Variants in MYO1E observed in about 807,000 individuals in gnomAD.
The protein encoded by MYO1E is myosin IE, also known as unconventional myosin-Ie.
Under a neutral mutation model 151.1 loss-of-function variants are expected in MYO1E, and 68 were observed. The observed-to-expected ratio is 0.45, with a 90% CI of 0.37 to 0.55. The LOEUF is 0.55. Ranked by LOEUF, MYO1E falls within the 20% of genes least tolerant of loss-of-function variation. The probability of loss-of-function intolerance (pLI) is 0.00; values close to 1 mark genes in which losing one functional copy is unlikely to be tolerated. For missense variants in MYO1E, 1,363 were observed against 1,389.3 expected (o/e 0.98, Z 0.30); for synonymous variants, 601 against 501.7 (o/e 1.20, Z -2.64).
intron 15 of MYO1E, among the ~76,000 whole-genome samples, chr15:59,202,610 T>C (rs2079809038): frequency 6.6e-6 from 1 of 152,208 alleles, no homozygotes; most frequent in Non-Finnish European, 1.5e-5. Context: ...GAAAGAATTC[T>C]AAGATATAAG....
intron 1 of MYO1E, among the ~76,000 whole-genome samples, chr15:59,334,493 T>C (rs1263897678): frequency 4.3e-5 from 6 of 139,874 alleles, no homozygotes; most frequent in Non-Finnish European, 9.4e-5. Context: ...AAAAAAAAAA[T>C]GACCATTTTA....
At chr15:59,178,084 C>T (rs2079635900) in intron 19 of MYO1E, among the ~76,000 whole-genome samples, 1 of 152,214 alleles carries the variant, frequency 6.6e-6, no homozygotes, top group Admixed American at 6.5e-5. Flanking sequence ...AACAAAGAGT[C>T]CCTGCCCTCC....
At chr15:59,187,981 C>T (rs2079708745) in intron 18 of MYO1E, 137 bp downstream of exon 18, 7 of 725,472 alleles carry the variant, frequency 9.6e-6, no homozygotes, top group Admixed American at 2.1e-5. Context: ...CTAAAATTAA[C>T]GGTGGTGATA....
intron 1 of MYO1E, among the ~76,000 whole-genome samples, chr15:59,326,944 G>A (rs2080668539): frequency 6.6e-6 from 1 of 152,156 alleles, no homozygotes; most frequent in African/African-American, 2.4e-5. Context: ...AGCAAGTCAG[G>A]GAACCACTCA....
rs762347672 is a variant in MYO1E at position 59,188,216 on chromosome 15, C to T, written c.1806G>A (p.Arg602=). The change falls in exon 18 of 28, where the codon AGG becomes AGA. Residue 602 remains arginine (R), a splice_region_variant and synonymous_variant. Transcript: ENST00000288235. The stretch of plus-strand genomic sequence containing the variant: ...CCAAATATTCGACTTGATGCTTTAC[C>T]CTGTGCAAAGGAGAAAATGGGGCCT... ...TKKPRDWEES[R]VKHQVEYLGL... The T allele has an allele frequency of 1.9e-6, 3 of 1,613,166 alleles. No individual in the cohort carries two copies. Among genetic ancestry groups the T allele is most frequent in the East Asian group, 4.5e-5 (2 of 44,876 alleles).
intron 25 of MYO1E, 45 bp from the exon 26 acceptor site, chr15:59,153,836 T>A: frequency 1.3e-6 from 2 of 1,555,054 alleles, no homozygotes. Context: ...GATTTTTGGA[T>A]CCTTTGCCAA....
At chr15:59,174,728 C>G (rs1195190402) in intron 19 of MYO1E, among the ~76,000 whole-genome samples, 1 of 152,090 alleles carries the variant, frequency 6.6e-6, no homozygotes, top group Non-Finnish European at 1.5e-5. Context: ...GCCCTACTTT[C>G]AGTTCCAAGA....
intron 9 of MYO1E, among the ~76,000 whole-genome samples, chr15:59,222,465 C>T (rs1289426196): frequency 1.3e-5 from 2 of 152,054 alleles, no homozygotes; most frequent in Non-Finnish European, 2.9e-5. Context: ...GTAAAAACGA[C>T]CATTTAGGTG....
At chr15:59,322,871 G>A (rs2080635969) in intron 1 of MYO1E, among the ~76,000 whole-genome samples, 1 of 152,138 alleles carries the variant, frequency 6.6e-6, no homozygotes, top group African/African-American at 2.4e-5. Flanking sequence ...ATAAGAAATG[G>A]TGCTTTCTGG....
At chr15:59,150,752 G>A (rs758875408) in intron 26 of MYO1E, among the ~76,000 whole-genome samples, 10 of 152,100 alleles carry the variant, frequency 6.6e-5, no homozygotes, top group Non-Finnish European at 1.3e-4. Flanking sequence ...CAGACCAGTG[G>A]TTTTCAAAAT....
rs571524489 is a variant in MYO1E, at chr15:59,134,150, A to G, written c.*3230T>C. 103 of 152,454 alleles carry G rather than the reference A, an allele frequency of 6.8e-4. No individual in the cohort carries two copies. Among genetic ancestry groups the G allele is most frequent in the African/African-American group, 2.2e-3 (92 of 41,574 alleles). The allele number at this position is 152,454 out of a possible 1,614,324, so 9.4% of individuals were successfully genotyped here. Reference sequence around the variant, plus strand: ...GAATATTGGTGGACATGGTGTGCACACAGGGCAGGTCCTTTAAGGAGGAAA... The same window carrying G: ...GAATATTGGTGGACATGGTGTGCACGCAGGGCAGGTCCTTTAAGGAGGAAA... On this transcript the variant is annotated 3_prime_UTR_variant, in exon 28 of 28. Coordinates refer to ENST00000288235, the MANE Select transcript of MYO1E (RefSeq NM_004998.4).
chr15:59,203,998 C>A (rs1204267554), intron 15 of MYO1E, among the ~76,000 whole-genome samples: 3 of 152,128 alleles, frequency 2.0e-5, no homozygotes, highest in Non-Finnish European at 4.4e-5. Flanking sequence ...AGTGTGTTTA[C>A]AAAATAATAG....
At chr15:59,255,406 T>C (rs1222481101) in intron 4 of MYO1E, among the ~76,000 whole-genome samples, 1 of 151,792 alleles carries the variant, frequency 6.6e-6, no homozygotes, top group Non-Finnish European at 1.5e-5. Context: ...TTTTATTATT[T>C]TTTTTCAAGA....
chr15:59,175,680 A>T (rs59311661), intron 19 of MYO1E, among the ~76,000 whole-genome samples: 1,690 of 152,280 alleles, frequency 0.011, 34 homozygotes, highest in African/African-American at 0.039. Context: ...ATCCATTGAT[A>T]TTTCTTATCT....
intron 1 of MYO1E, among the ~76,000 whole-genome samples, chr15:59,340,539 A>G (rs1403243813): frequency 6.6e-6 from 1 of 152,200 alleles, no homozygotes; most frequent in Admixed American, 6.5e-5. Context: ...TGTTTTTACC[A>G]TGTGTAGTAT....
Position 59,323,888 on chromosome 15 carries a change from G to A in MYO1E, c.3+48610C>T, listed in dbSNP as rs181059364. ...ACCTTATATTATTACTAGAGCTTGC[G>A]GGATGTGTGTTCTGAGTTTGAAGCA... On this transcript the variant is annotated intron_variant, in intron 1 of 27. Transcript: ENST00000288235. Among the ~76,000 whole-genome samples the A allele has an allele frequency of 2.0e-4, 31 of 152,076 alleles. 1 individual carries two copies. The highest frequency in any genetic ancestry group is 6.8e-4 in the African/African-American group (28 of 41,472).
intron 17 of MYO1E, among the ~76,000 whole-genome samples, chr15:59,191,362 GAGAGAGAA>G (rs1184807223): frequency 1.6e-4 from 24 of 150,348 alleles, no homozygotes; most frequent in East Asian, 3.9e-4. Flanking sequence ...GAGAGAGAGA[GAGAGAGAA>G]AGAAATGTCA....
chr15:59,154,714 G>T (rs542998220), intron 25 of MYO1E, among the ~76,000 whole-genome samples: 1 of 152,302 alleles, frequency 6.6e-6, no homozygotes, highest in Non-Finnish European at 1.5e-5. Context: ...ATGAGCAAGA[G>T]AGTTGATCTT....
intron 16 of MYO1E, among the ~76,000 whole-genome samples, chr15:59,195,939 C>T (rs1394526547): frequency 3.3e-5 from 5 of 152,162 alleles, no homozygotes; most frequent in African/African-American, 1.2e-4. Context: ...GCTGATAGAG[C>T]GCCTTTGAAG....
Sources: gnomAD v4.1 joint callset for allele counts (sites outside exome capture counted in the v4.1 genomes callset) on GRCh38, gnomAD v4.1.1 for gene constraint, MANE v1.5 for transcripts, NCBI Gene and HGNC (gene_info 2026-07-23, HGNC 2026-07-21) for gene names.